The following IQCE variants were observed in gnomAD, a reference collection of about 807,000 sequenced individuals.
IQCE encodes the protein IQ motif containing E.
In IQCE, 115 loss-of-function variants were observed where a neutral mutation model predicts 96.0. The ratio of observed to expected loss-of-function variants is 1.20; its 90% CI spans 1.03 to 1.40. IQCE has a LOEUF of 1.40. IQCE is among the 40% of genes most tolerant of loss of function. The pLI, the probability that IQCE is intolerant of heterozygous loss-of-function variation, is 0.00. For synonymous variants in IQCE, 412 were observed against 371.2 expected, an observed-to-expected ratio of 1.11 and a Z score of -1.26; for missense variants, 1,041 against 909.1, an observed-to-expected ratio of 1.15 and a Z score of -1.87.
chr7:2,582,277 C>T lies in IQCE; in HGVS notation c.631-303C>T, dbSNP rs1248793338. 1.2e-4 allele frequency among the ~76,000 whole-genome samples: 18 copies of T among 152,296 alleles called. No individual in the cohort carries two copies. The East Asian group carries it at 3.3e-3, about 28-fold the overall frequency. ...TATTTAATATAATCAAGGGCACACCCTGCTCTGTCCCCCAGGTGTGCAGTG... is the reference window on the plus strand; with the variant it reads ...TATTTAATATAATCAAGGGCACACCTTGCTCTGTCCCCCAGGTGTGCAGTG... On this transcript the variant is annotated intron_variant, in intron 8 of 21. Coordinates refer to ENST00000402050, the MANE Select transcript of IQCE (RefSeq NM_152558.5).
At chr7:2,561,929 A>G (rs147359742) in intron 1 of IQCE, among the ~76,000 whole-genome samples, 34 of 152,318 alleles carry the variant, frequency 2.2e-4, no homozygotes, top group Admixed American at 7.9e-4. Flanking sequence ...AGACTCAAGT[A>G]TAATTTGAAT....
At chr7:2,609,185 G>C (rs553953184) in intron 21 of IQCE, among the ~76,000 whole-genome samples, 3 of 152,214 alleles carry the variant, frequency 2.0e-5, no homozygotes, top group African/African-American at 7.2e-5. Flanking sequence ...AGTTTGGAAC[G>C]CTCTAGATGC....
At chr7:2,600,541 A>G (rs1275035286) in intron 17 of IQCE, among the ~76,000 whole-genome samples, 2 of 152,186 alleles carry the variant, frequency 1.3e-5, no homozygotes, top group African/African-American at 4.8e-5. Context: ...TAGCGGGGCC[A>G]ACTCCTCGTC....
intron 6 of IQCE, among the ~76,000 whole-genome samples, chr7:2,576,079 C>T (rs1287515579): frequency 6.6e-6 from 1 of 152,238 alleles, no homozygotes; most frequent in Non-Finnish European, 1.5e-5. Flanking sequence ...CCTCCTGAAT[C>T]TGTGGGTTTG....
intron 15 of IQCE, among the ~76,000 whole-genome samples, chr7:2,593,729 C>T (rs1212697616): frequency 2.0e-5 from 3 of 152,132 alleles, no homozygotes; most frequent in Non-Finnish European, 2.9e-5. Context: ...GGGAGGGGAG[C>T]GAGGACTGCT....
At chr7:2,607,527 T>C in intron 21 of IQCE, 6 of 1,290,658 alleles carry the variant, frequency 4.6e-6, no homozygotes, top group Non-Finnish European at 4.9e-6. Context: ...TTCTCCTGTT[T>C]GTTTGTTGAG....
Position 2,602,541 on chromosome 7 carries a change from A to G in IQCE, c.1632+1077A>G, listed in dbSNP as rs529616015. 1.8e-4 allele frequency among the ~76,000 whole-genome samples: 28 copies of G among 152,146 alleles called. No individual in the cohort carries two copies. The East Asian group carries it at 5.0e-3, about 27-fold the overall frequency. On this transcript the variant is annotated intron_variant, in intron 18 of 21. Transcript: ENST00000402050. ...TCTCACGCTGCCTTCCTCCTCACCC[A>G]CAGCTGCTTCTAAGTGGCAGGGCAG...
rs577321262 is a variant in IQCE at position 2,575,182 on chromosome 7, T to C, written c.465+1694T>C. On this transcript the variant is annotated intron_variant, in intron 6 of 21. Coordinates refer to ENST00000402050, the MANE Select transcript of IQCE (RefSeq NM_152558.5). ...CTCTGAGTGTTTCATCGCGAGACTCTGACTCTTGCTCAATCCTGTGTTGTG... is the reference window on the plus strand; with the variant it reads ...CTCTGAGTGTTTCATCGCGAGACTCCGACTCTTGCTCAATCCTGTGTTGTG... 6.6e-5 allele frequency among the ~76,000 whole-genome samples: 10 copies of C among 152,380 alleles called. No individual in the cohort carries two copies. In the South Asian group the frequency reaches 1.7e-3, roughly 25 times the overall value.
chr7:2,570,903 T>C (rs1271794294), intron 3 of IQCE, among the ~76,000 whole-genome samples: 1 of 152,250 alleles, frequency 6.6e-6, no homozygotes, highest in African/African-American at 2.4e-5. Context: ...CACAAAACGA[T>C]GTGTTCACTG....
rs1784893983 is a variant in IQCE at position 2,607,151 on chromosome 7, A to G, written c.1893A>G (p.Ala631=). 9 of 1,608,440 alleles carry G rather than the reference A, an allele frequency of 5.6e-6. No individual in the cohort carries two copies. Among genetic ancestry groups the G allele is most frequent in the Non-Finnish European group, 7.6e-6 (9 of 1,177,980 alleles). ...HSATGKRTTT[A]ASTRRRSASA... ...CTACCGGTAAAAGAACCACCACCGC[A>G]GCTTCTACCAGGAGGAGATCGGCTT... is the stretch of plus-strand genomic sequence containing the variant. Residue 631 remains alanine, a synonymous_variant, in exon 21 of 22, where the codon GCA becomes GCG. Coordinates refer to ENST00000402050, the MANE Select transcript of IQCE (RefSeq NM_152558.5).
At position 2,578,469 on chromosome 7, in the gene IQCE, A is replaced by G. The variant is rs956081993; in HGVS notation, c.580-7A>G. On this transcript the variant is annotated splice_polypyrimidine_tract_variant and splice_region_variant and intron_variant, in intron 7 of 21. Transcript: ENST00000402050. ...GCCGTCTTCATGTCTCAATCTGCTT[A>G]CCACAGGGCACGGATTTTGTTCGGA... is the stretch of plus-strand genomic sequence containing the variant. 2.5e-6 allele frequency: 4 copies of G among 1,614,142 alleles called. No individual in the cohort carries two copies. The highest frequency in any genetic ancestry group is 3.4e-6 in the Non-Finnish European group (4 of 1,180,004).
intron 6 of IQCE, among the ~76,000 whole-genome samples, chr7:2,574,979 G>A (rs986112424): frequency 1.1e-4 from 16 of 152,320 alleles, no homozygotes; most frequent in Non-Finnish European, 1.9e-4. Flanking sequence ...CTCTTCACTT[G>A]TTTCAAGCGT....
At position 2,567,315 on chromosome 7, in the gene IQCE, T is replaced by C. The variant is rs1781453920; in HGVS notation, c.84+152T>C. On this transcript the variant is annotated intron_variant, in intron 2 of 21. Transcript: ENST00000402050. Reference sequence around the variant, plus strand: ...AATGCTCCTTGGTGTTTGAAAAGTTTCCAGCCCTTAGGTTTAAATACCTGT... The same window carrying C: ...AATGCTCCTTGGTGTTTGAAAAGTTCCCAGCCCTTAGGTTTAAATACCTGT... The C allele has an allele frequency of 7.3e-6, 5 of 684,212 alleles. No homozygotes were observed. In the South Asian group the frequency reaches 8.2e-5, roughly 11 times the overall value. 42.4% of individuals were successfully genotyped at this position (684,212 alleles called of 1,614,324 possible). A position where few individuals can be genotyped will look rare whatever the true frequency, so the allele number is the denominator to read the frequency against.
At chr7:2,560,794 A>G (rs1780891044) in intron 1 of IQCE, among the ~76,000 whole-genome samples, 1 of 151,322 alleles carries the variant, frequency 6.6e-6, no homozygotes, top group Non-Finnish European at 1.5e-5. Context: ...CATCTCTACT[A>G]CAAATACAAA....
At chr7:2,606,974 A>C in intron 20 of IQCE, 150 bp from the exon 21 acceptor site, 1 of 643,540 alleles carries the variant, frequency 1.6e-6, no homozygotes, top group Non-Finnish European at 2.6e-6. Context: ...CATATTGGGT[A>C]CAGCGCTGGT....
intron 14 of IQCE, among the ~76,000 whole-genome samples, chr7:2,592,098 C>G (rs559488023): frequency 1.3e-5 from 2 of 152,310 alleles, no homozygotes; most frequent in African/African-American, 2.4e-5. Context: ...TACAGGTGAT[C>G]TGTGTGTACT....
At position 2,571,623 on chromosome 7, in the gene IQCE, G is replaced by A. The variant is rs377123413; in HGVS notation, c.228G>A (p.Pro76=). ...MPLGGRASLT[P]QKLWLGTAKP... is the part of the protein sequence containing the mutation. Reference sequence around the variant, plus strand: ...TGGGCGGCCGAGCGTCCCTGACCCCGCAGAAGCTGTGGCTGGGAACCGCAA... The same window carrying A: ...TGGGCGGCCGAGCGTCCCTGACCCCACAGAAGCTGTGGCTGGGAACCGCAA... The change falls in exon 4 of 22, where the codon CCG becomes CCA. Residue 76 remains proline (P), a synonymous_variant. Coordinates refer to ENST00000402050, the MANE Select transcript of IQCE (RefSeq NM_152558.5). 16 of 1,600,790 alleles carry A rather than the reference G, an allele frequency of 1.0e-5. No individual in the cohort carries two copies. The highest frequency in any genetic ancestry group is 2.2e-5 in the East Asian group (1 of 44,880).
chr7:2,583,588 C>T, intron 9 of IQCE, 49 bp from the exon 10 acceptor site: 1 of 1,422,302 alleles, frequency 7.0e-7, no homozygotes. Context: ...TTGCTCTGTC[C>T]CCTGGGAACG....
At chr7:2,575,815 G>A (rs892938237) in intron 6 of IQCE, among the ~76,000 whole-genome samples, 1 of 152,176 alleles carries the variant, frequency 6.6e-6, no homozygotes, top group Non-Finnish European at 1.5e-5. Flanking sequence ...AAAGAAAACT[G>A]AAGGAGCTCC....
Sources: allele counts gnomAD v4.1 joint callset (sites outside exome capture counted in the v4.1 genomes callset), GRCh38; gene constraint gnomAD v4.1.1; transcripts MANE v1.5; gene names NCBI Gene and HGNC (gene_info 2026-07-23, HGNC 2026-07-21).